The following ADGRD1 variants were observed in gnomAD, a reference collection of about 807,000 sequenced individuals.
ADGRD1 encodes the protein adhesion G protein-coupled receptor D1.
ADGRD1 carries 77 observed loss-of-function variants against 113.4 expected under a neutral mutation model. The ratio of observed to expected loss-of-function variants is 0.68; its 90% CI spans 0.57 to 0.82. The LOEUF is 0.82. Among genes scored for constraint, ADGRD1 ranks in the 40% least tolerant of loss-of-function variants. The pLI is 0.00. For missense variants in ADGRD1, 1,036 were observed against 1,139.1 expected (o/e 0.91, Z 1.30); for synonymous variants, 474 against 475.0 (o/e 1.00, Z 0.03).
intron 14 of ADGRD1, among the ~76,000 whole-genome samples, chr12:131,083,637 T>C (rs1331600640): frequency 6.6e-6 from 1 of 151,998 alleles, no homozygotes; most frequent in East Asian, 1.9e-4. Context: ...AAAGAAAATA[T>C]AGAGAAATGT....
intron 15 of ADGRD1, among the ~76,000 whole-genome samples, chr12:131,103,930 G>A (rs1950159948): frequency 6.6e-6 from 1 of 152,212 alleles, no homozygotes; most frequent in African/African-American, 2.4e-5. Flanking sequence ...CTGTGGCTTA[G>A]GAGCCCGGAG....
At chr12:131,127,545 G>A in intron 20 of ADGRD1, among the ~76,000 whole-genome samples, 1 of 151,372 alleles carries the variant, frequency 6.6e-6, no homozygotes, top group South Asian at 2.1e-4. Flanking sequence ...CTGAGCTCAG[G>A]TGAGGTGTTG....
intron 13 of ADGRD1, among the ~76,000 whole-genome samples, chr12:131,039,765 C>T (rs1881929910): frequency 6.6e-6 from 1 of 152,260 alleles, no homozygotes; most frequent in Non-Finnish European, 1.5e-5. Context: ...GGAAAGGGCC[C>T]AGACTCAGCT....
chr12:130,977,006 A>G (rs1423169639), intron 4 of ADGRD1: 1 of 152,236 alleles, frequency 6.6e-6, no homozygotes, highest in Non-Finnish European at 1.5e-5. Flanking sequence ...AGCCTGGACC[A>G]CAGGGCAAGA....
chr12:130,986,397 C>CT (rs1364288048), intron 5 of ADGRD1, among the ~76,000 whole-genome samples: 2 of 151,512 alleles, frequency 1.3e-5, no homozygotes, highest in Non-Finnish European at 2.9e-5. Flanking sequence ...TTTCTTTTTC[C>CT]TTTTTTGGCA....
At chr12:131,118,554 G>A in intron 19 of ADGRD1, 103 bp downstream of exon 19, 1 of 825,026 alleles carries the variant, frequency 1.2e-6, no homozygotes, top group Non-Finnish European at 2.0e-6. Context: ...GGGTGCAGGG[G>A]TGCTGTGCAA....
intron 8 of ADGRD1, among the ~76,000 whole-genome samples, chr12:130,999,074 A>G (rs938357535): frequency 6.6e-6 from 1 of 152,238 alleles, no homozygotes; most frequent in Non-Finnish European, 1.5e-5. Context: ...TCTACTTCTT[A>G]AAAATGTGCT....
chr12:130,994,952 T>C (rs1160515791), intron 8 of ADGRD1, among the ~76,000 whole-genome samples: 2 of 152,180 alleles, frequency 1.3e-5, no homozygotes, highest in Non-Finnish European at 2.9e-5. Context: ...TGTCCTGCCC[T>C]AGGGCAGGCC....
At chr12:131,131,608 C>G (rs562024094) in intron 20 of ADGRD1, 117 bp from the exon 21 acceptor site, 1 of 682,652 alleles carries the variant, frequency 1.5e-6, no homozygotes. Context: ...CCCCTGTGTC[C>G]CAGGAGCCCT....
intron 15 of ADGRD1, among the ~76,000 whole-genome samples, chr12:131,086,736 C>G (rs915453232): frequency 2.0e-5 from 3 of 152,240 alleles, no homozygotes; most frequent in African/African-American, 7.2e-5. Flanking sequence ...CAGCTGCTCA[C>G]GTGAGCGCGT....
chr12:131,091,487 C>T (rs1281442370), intron 15 of ADGRD1, among the ~76,000 whole-genome samples: 1 of 152,192 alleles, frequency 6.6e-6, no homozygotes. Flanking sequence ...GGGGTTGTCA[C>T]CATGCCAGTG....
chr12:131,080,467 T>G (rs1885978679), intron 14 of ADGRD1, among the ~76,000 whole-genome samples: 1 of 152,218 alleles, frequency 6.6e-6, no homozygotes, highest in African/African-American at 2.4e-5. Context: ...GTTCTATAAA[T>G]GTCAATTACA....
At chr12:131,131,083 C>T (rs535117374) in intron 20 of ADGRD1, among the ~76,000 whole-genome samples, 1 of 152,212 alleles carries the variant, frequency 6.6e-6, no homozygotes, top group African/African-American at 2.4e-5. Flanking sequence ...GTGCCTGCCT[C>T]GCCAGCCTCC....
At chr12:131,106,968 A>T (rs140604133) in intron 17 of ADGRD1, among the ~76,000 whole-genome samples, 1 of 152,166 alleles carries the variant, frequency 6.6e-6, no homozygotes, top group Non-Finnish European at 1.5e-5. Context: ...TCTATCAATC[A>T]TTCAGGTGAT....
At position 131,097,626 on chromosome 12, in the gene ADGRD1, G is replaced by A. The variant is rs577287158; in HGVS notation, c.1672-7205G>A. On this transcript the variant is annotated intron_variant, in intron 15 of 24. Coordinates refer to ENST00000261654, the MANE Select transcript of ADGRD1 (RefSeq NM_198827.5). ...CAGATCCGCCAGGGCCTGGTCACTCGTGCTGTCCAGGAGCCAAGGGCAGGA... is the reference window on the plus strand; with the variant it reads ...CAGATCCGCCAGGGCCTGGTCACTCATGCTGTCCAGGAGCCAAGGGCAGGA... 7.9e-4 allele frequency among the ~76,000 whole-genome samples: 121 copies of A among 152,320 alleles called. 1 individual carries two copies. Among genetic ancestry groups the A allele is most frequent in the Non-Finnish European group, 1.4e-3 (93 of 68,030 alleles).
At chr12:131,010,457 C>T (rs895577756) in intron 12 of ADGRD1, among the ~76,000 whole-genome samples, 1 of 152,114 alleles carries the variant, frequency 6.6e-6, no homozygotes, top group African/African-American at 2.4e-5. Context: ...GAATAACAGC[C>T]CTTTTTCTTA....
intron 20 of ADGRD1, among the ~76,000 whole-genome samples, chr12:131,128,781 C>G (rs1275133347): frequency 6.6e-6 from 1 of 152,196 alleles, no homozygotes; most frequent in Non-Finnish European, 1.5e-5. Context: ...CAAGGAAGAG[C>G]TGCCTGAGTC....
chr12:131,120,664 C>T (rs185709869), intron 19 of ADGRD1, 183 bp from the exon 20 acceptor site: 9 of 670,028 alleles, frequency 1.3e-5, no homozygotes, highest in Middle Eastern at 2.5e-4. Context: ...AAATCCTTTC[C>T]AAGAATGAGA....
chr12:131,063,169 T>C (rs1029062912), intron 13 of ADGRD1, among the ~76,000 whole-genome samples: 3 of 152,234 alleles, frequency 2.0e-5, no homozygotes, highest in Admixed American at 1.3e-4. Context: ...TAGATAGATA[T>C]GAGTTATGGA....
Sources: allele counts gnomAD v4.1 joint callset (sites outside exome capture counted in the v4.1 genomes callset), GRCh38; gene constraint gnomAD v4.1.1; transcripts MANE v1.5; gene names NCBI Gene and HGNC (gene_info 2026-07-23, HGNC 2026-07-21).